PTBP2: variants seen among roughly 807,000 people sequenced by gnomAD.
PTBP2 encodes the protein polypyrimidine tract-binding protein 2.
A neutral mutation model predicts 61.4 loss-of-function variants in PTBP2; 13 were observed. That is an observed-to-expected ratio of 0.21 (90% CI 0.14 to 0.34). The LOEUF is 0.34. Among genes scored for constraint, PTBP2 ranks in the 10% least tolerant of loss-of-function variants. PTBP2 has a pLI of 1.00. For synonymous variants in PTBP2, 215 were observed against 218.5 expected, an observed-to-expected ratio of 0.98 and a Z score of 0.14; for missense variants, 405 against 642.6, an observed-to-expected ratio of 0.63 and a Z score of 4.00.
chr1:96,786,907 C>A lies in PTBP2; in HGVS notation c.904+1653C>A, dbSNP rs540601734. On this transcript the variant is annotated intron_variant, in intron 8 of 13. Transcript: ENST00000674951. ...GCCCATCTGGATATACTTAGATGTG[C>A]TTGGATCCTGGGTGGGAGGCTTGGT... Among the ~76,000 whole-genome samples, 49 of 152,292 alleles carry A rather than the reference C, an allele frequency of 3.2e-4. 2 individuals carry two copies. In the South Asian group the frequency reaches 1.0e-2, roughly 31 times the overall value.
At chr1:96,781,768 A>C (rs1458233938) in intron 7 of PTBP2, among the ~76,000 whole-genome samples, 3 of 151,898 alleles carry the variant, frequency 2.0e-5, no homozygotes, top group Non-Finnish European at 4.4e-5. Flanking sequence ...TTTCTGCTGT[A>C]TTTATTAAAC....
intron 5 of PTBP2, among the ~76,000 whole-genome samples, chr1:96,776,552 A>G (rs1298229064): frequency 6.6e-6 from 1 of 151,842 alleles, no homozygotes; most frequent in Non-Finnish European, 1.5e-5. Flanking sequence ...TGAGTGTCCT[A>G]ATTCTTTTGT....
At chr1:96,729,642 T>C (rs548804321) in intron 2 of PTBP2, among the ~76,000 whole-genome samples, 3 of 152,164 alleles carry the variant, frequency 2.0e-5, no homozygotes, top group Non-Finnish European at 4.4e-5. Context: ...TCTTCTTGAG[T>C]GAACTTTGGT....
intron 2 of PTBP2, among the ~76,000 whole-genome samples, chr1:96,729,420 TG>T (rs1416511925): frequency 6.6e-6 from 1 of 152,204 alleles, no homozygotes; most frequent in Non-Finnish European, 1.5e-5. Flanking sequence ...CTCCTTTTTT[TG>T]TCTGTGGTAT....
chr1:96,772,872 G>A (rs760634859), intron 5 of PTBP2, among the ~76,000 whole-genome samples: 4 of 151,792 alleles, frequency 2.6e-5, no homozygotes, highest in Non-Finnish European at 5.9e-5. Context: ...CAGCACTTTG[G>A]GAGGCTGAGG....
chr1:96,778,298 CAA>C (rs1658267071), intron 7 of PTBP2, among the ~76,000 whole-genome samples: 1 of 150,822 alleles, frequency 6.6e-6, no homozygotes, highest in African/African-American at 2.4e-5. Flanking sequence ...AATTAGTTTT[CAA>C]AAGAGTTTGG....
chr1:96,727,483 AAGT>A (rs1403724784), intron 2 of PTBP2, among the ~76,000 whole-genome samples: 4 of 152,098 alleles, frequency 2.6e-5, no homozygotes, highest in African/African-American at 9.7e-5. Flanking sequence ...AACTTTTTAA[AAGT>A]AGTTGTACCA....
intron 9 of PTBP2, 66 bp downstream of exon 9, chr1:96,805,005 TATTTC>T: frequency 7.3e-7 from 1 of 1,361,684 alleles, no homozygotes; most frequent in Non-Finnish European, 9.9e-7. Flanking sequence ...TTTTCATGTT[TATTTC>T]ATTTTGCACT....
chr1:96,785,333 C>A, intron 8 of PTBP2, 79 bp downstream of exon 8: 2 of 1,122,836 alleles, frequency 1.8e-6, no homozygotes, highest in Non-Finnish European at 2.4e-6. Flanking sequence ...TGAATCCCCC[C>A]ATTTTGGACC....
chr1:96,732,543 A>G (rs1009174947), intron 2 of PTBP2, among the ~76,000 whole-genome samples: 1 of 152,202 alleles, frequency 6.6e-6, no homozygotes, highest in Non-Finnish European at 1.5e-5. Context: ...GAAGTGTCAT[A>G]GGCTTTAATA....
intron 8 of PTBP2, among the ~76,000 whole-genome samples, chr1:96,799,290 C>G (rs1426506411): frequency 9.6e-6 from 1 of 103,788 alleles, no homozygotes. Flanking sequence ...CAGAATAGAT[C>G]AAGCTTTTTT....
chr1:96,821,043 G>A (rs1056326033), exon 14 of PTBP2: 2 of 152,292 alleles, frequency 1.3e-5, no homozygotes, highest in South Asian at 2.1e-4. Flanking sequence ...GCTTGAGCAA[G>A]GCACTTCATT....
intron 8 of PTBP2, among the ~76,000 whole-genome samples, chr1:96,799,518 G>A (rs191954189): frequency 6.6e-6 from 1 of 151,772 alleles, no homozygotes; most frequent in Admixed American, 6.6e-5. Context: ...GGATGGTCTC[G>A]ATCTCCTGAC....
At chr1:96,723,451 G>A (rs142226500) in intron 1 of PTBP2, 113 bp from the exon 2 acceptor site, 2 of 797,854 alleles carry the variant, frequency 2.5e-6, no homozygotes, top group East Asian at 5.2e-5. Context: ...CCATCTGTGT[G>A]TGAGTGGCTG....
intron 7 of PTBP2, 53 bp from the exon 8 acceptor site, chr1:96,785,006 C>A: frequency 7.6e-7 from 1 of 1,321,702 alleles, no homozygotes; most frequent in Non-Finnish European, 1.0e-6. Flanking sequence ...TATACTTTCA[C>A]TAATTTTTAT....
At chr1:96,726,283 T>G (rs1196268913) in intron 2 of PTBP2, among the ~76,000 whole-genome samples, 2 of 149,280 alleles carry the variant, frequency 1.3e-5, no homozygotes, top group Non-Finnish European at 3.0e-5. Flanking sequence ...GCCTTTTTTT[T>G]TTTTTTTTGA....
chr1:96,807,226 C>T (rs1409439540), intron 11 of PTBP2, among the ~76,000 whole-genome samples: 1 of 152,118 alleles, frequency 6.6e-6, no homozygotes, highest in African/African-American at 2.4e-5. Context: ...AGAATTATAT[C>T]ATTTATATTG....
intron 2 of PTBP2, among the ~76,000 whole-genome samples, chr1:96,726,496 G>A (rs947140271): frequency 6.7e-5 from 10 of 150,080 alleles, no homozygotes; most frequent in Non-Finnish European, 1.2e-4. Context: ...GGAGTGCAGT[G>A]TCGCGATCTC....
At chr1:96,726,688 C>T (rs900613350) in intron 2 of PTBP2, among the ~76,000 whole-genome samples, 9 of 152,128 alleles carry the variant, frequency 5.9e-5, no homozygotes, top group South Asian at 2.1e-4. Flanking sequence ...CTGCCTGCCT[C>T]GGCCTCCCAA....
Sources: gnomAD v4.1 joint callset for allele counts (sites outside exome capture counted in the v4.1 genomes callset) on GRCh38, gnomAD v4.1.1 for gene constraint, MANE v1.5 for transcripts, NCBI Gene and HGNC (gene_info 2026-07-23, HGNC 2026-07-21) for gene names.